Variants in RBFOX1 observed in about 807,000 individuals in gnomAD.
The protein encoded by RBFOX1 is RNA binding fox-1 homolog 1.
RBFOX1 carries 8 observed loss-of-function variants against 57.7 expected under a neutral mutation model. That is an observed-to-expected ratio of 0.14 (90% confidence interval 0.08 to 0.25). The LOEUF is 0.25. Among genes scored for constraint, RBFOX1 ranks in the 10% least tolerant of loss-of-function variants. RBFOX1 has a pLI of 1.00. For synonymous variants in RBFOX1, 326 were observed against 222.4 expected (o/e 1.47, Z -4.15); for missense variants, 611 against 548.5 (o/e 1.11, Z -1.14).
At chr16:7,522,054 G>C (rs945891740) in intron 5 of RBFOX1, among the ~76,000 whole-genome samples, 1 of 152,214 alleles carries the variant, frequency 6.6e-6, no homozygotes, top group Non-Finnish European at 1.5e-5. Context: ...TCTTCATTCA[G>C]TGGCTGAGGC....
In RBFOX1 at chr16:7,594,037, A is replaced by G. The variant is rs547005762; in HGVS notation, c.469-1512A>G. Among the ~76,000 whole-genome samples, 3 of 152,226 alleles carry G rather than the reference A, an allele frequency of 2.0e-5. No homozygotes were observed. In the East Asian group the frequency reaches 5.8e-4, roughly 29 times the overall value. ...CAGGTGCACACTGTGCAGGTTTGTT[A>G]CATAGGTATACGTGTGCCATATTGG... On this transcript the variant is annotated intron_variant, in intron 7 of 15. Transcript: ENST00000550418.
At chr16:6,916,003 G>A (rs1287154401) in intron 3 of RBFOX1, among the ~76,000 whole-genome samples, 5 of 142,008 alleles carry the variant, frequency 3.5e-5, no homozygotes, top group African/African-American at 1.2e-4. Context: ...CTGTTTTACT[G>A]GGAAAACTTA....
intron 3 of RBFOX1, among the ~76,000 whole-genome samples, chr16:6,906,626 G>C: frequency 6.6e-6 from 1 of 152,074 alleles, no homozygotes; most frequent in African/African-American, 2.4e-5. Context: ...GGATTTCCTT[G>C]AGGACAGGAA....
At chr16:5,609,085 A>G (rs1204729543) in intron 3 of RBFOX1, among the ~76,000 whole-genome samples, 11 of 152,188 alleles carry the variant, frequency 7.2e-5, no homozygotes, top group Non-Finnish European at 4.4e-5. Context: ...TCTGTAAGGG[A>G]GTTCAATATT....
chr16:5,856,296 C>T (rs1446832400), intron 3 of RBFOX1, among the ~76,000 whole-genome samples: 1 of 82,280 alleles, frequency 1.2e-5, no homozygotes, highest in Non-Finnish European at 2.3e-5. Context: ...CACACACACA[C>T]ACACACACAC....
At chr16:6,127,269 GTCTC>G (rs1184159110) in intron 1 of RBFOX1, among the ~76,000 whole-genome samples, 2 of 146,900 alleles carry the variant, frequency 1.4e-5, no homozygotes, top group African/African-American at 5.3e-5. Flanking sequence ...AGATTATTTT[GTCTC>G]TCTCTTTTTT....
intron 3 of RBFOX1, among the ~76,000 whole-genome samples, chr16:5,779,748 C>A (rs550191795): frequency 5.3e-5 from 8 of 152,312 alleles, no homozygotes; most frequent in Non-Finnish European, 1.2e-4. Context: ...TTGGCCTTGG[C>A]TGCAGAATAC....
At chr16:6,543,928 A>T (rs953683064) in intron 2 of RBFOX1, among the ~76,000 whole-genome samples, 17 of 152,202 alleles carry the variant, frequency 1.1e-4, no homozygotes, top group Non-Finnish European at 7.3e-5. Flanking sequence ...TTTGGGGAAT[A>T]AAAAGTATAA....
intron 1 of RBFOX1, among the ~76,000 whole-genome samples, chr16:5,286,820 A>G (rs2063406764): frequency 1.3e-5 from 2 of 152,346 alleles, no homozygotes; most frequent in South Asian, 2.1e-4. Flanking sequence ...TAGACAAGGC[A>G]TAAATGAATG....
intron 11 of RBFOX1, among the ~76,000 whole-genome samples, chr16:7,645,170 G>T (rs78978717): frequency 6.6e-6 from 1 of 151,976 alleles, no homozygotes; most frequent in African/African-American, 2.4e-5. Context: ...ATCCCAATCA[G>T]ACCTATAACA....
At chr16:5,446,387 G>C (rs2068239901) in intron 1 of RBFOX1, among the ~76,000 whole-genome samples, 1 of 152,132 alleles carries the variant, frequency 6.6e-6, no homozygotes, top group South Asian at 2.1e-4. Context: ...ATTCAAACAT[G>C]CTCACTGGAA....
At position 6,964,440 on chromosome 16, in the gene RBFOX1, A is replaced by C. The variant is rs551139032; in HGVS notation, c.-15-87617A>C. On this transcript the variant is annotated intron_variant, in intron 3 of 15. Coordinates refer to ENST00000550418, the MANE Select transcript of RBFOX1 (RefSeq NM_018723.4). ...ACATCAACTGTGAACTTTAATGGAA[A>C]CTCTGCTCTTTGGGTGATTGTGATG... is the stretch of plus-strand genomic sequence containing the variant. Among the ~76,000 whole-genome samples, 192 of 151,882 alleles carry C rather than the reference A, an allele frequency of 1.3e-3. 1 individual carries two copies. Among genetic ancestry groups the C allele is most frequent in the Admixed American group, 3.4e-3 (52 of 15,264 alleles).
intron 3 of RBFOX1, among the ~76,000 whole-genome samples, chr16:7,036,042 T>C (rs960922098): frequency 6.6e-6 from 1 of 152,150 alleles, no homozygotes; most frequent in Non-Finnish European, 1.5e-5. Flanking sequence ...TGTAAAGTCA[T>C]AGAAATCAGC....
intron 3 of RBFOX1, among the ~76,000 whole-genome samples, chr16:5,618,023 C>T (rs147353755): frequency 2.0e-5 from 3 of 152,306 alleles, no homozygotes; most frequent in East Asian, 1.9e-4. Context: ...ACTTACATAA[C>T]ATAAATTATA....
rs182297504 is a variant in RBFOX1, at chr16:5,859,904, G to A, written c.319-7399G>A. 2.9e-4 allele frequency among the ~76,000 whole-genome samples: 44 copies of A among 152,276 alleles called. No individual in the cohort carries two copies. The East Asian group carries it at 7.7e-3, about 27-fold the overall frequency. Reference sequence around the variant, plus strand: ...GGCATGAGTTGACTCAGGTTTCTTGGTGAAATTCAGTTGACTGGCACATTG... The same window carrying A: ...GGCATGAGTTGACTCAGGTTTCTTGATGAAATTCAGTTGACTGGCACATTG... On this transcript the variant is annotated intron_variant, in intron 3 of 19. Transcript: ENST00000641259.
chr16:5,497,491 C>T (rs1392056017), intron 2 of RBFOX1, among the ~76,000 whole-genome samples: 1 of 152,018 alleles, frequency 6.6e-6, no homozygotes, highest in Non-Finnish European at 1.5e-5. Context: ...CTTACAGCTT[C>T]TGGCCAGGCA....
intron 4 of RBFOX1, among the ~76,000 whole-genome samples, chr16:6,001,032 G>A (rs1423812769): frequency 6.6e-6 from 1 of 152,056 alleles, no homozygotes; most frequent in East Asian, 1.9e-4. Flanking sequence ...TGAGTGGATT[G>A]GTGGATCGAT....
chr16:6,696,836 C>T (rs1469476632), intron 3 of RBFOX1, among the ~76,000 whole-genome samples: 3 of 152,226 alleles, frequency 2.0e-5, no homozygotes, highest in East Asian at 1.9e-4. Flanking sequence ...TGATTTTCTT[C>T]AAGGTTGTGC....
intron 4 of RBFOX1, among the ~76,000 whole-genome samples, chr16:5,983,919 C>A (rs2060225925): frequency 7.0e-6 from 1 of 143,856 alleles, no homozygotes; most frequent in Non-Finnish European, 1.5e-5. Context: ...TCCTCTTCCT[C>A]CTCCTCCCCC....
Sources: gnomAD v4.1 joint callset for allele counts (sites outside exome capture counted in the v4.1 genomes callset) on GRCh38, gnomAD v4.1.1 for gene constraint, MANE v1.5 for transcripts, NCBI Gene and HGNC (gene_info 2026-07-23, HGNC 2026-07-21) for gene names.